The following COL25A1 variants were observed in gnomAD, a reference collection of about 807,000 sequenced individuals.
COL25A1 encodes the protein collagen alpha-1(XXV) chain.
In COL25A1, 103 loss-of-function variants were observed where a neutral mutation model predicts 128.4. That is an observed-to-expected ratio of 0.80 (90% CI 0.68 to 0.94). The LOEUF is 0.94. Ranked by LOEUF, COL25A1 falls within the 40% of genes least tolerant of loss-of-function variation. The pLI is 0.00. For synonymous variants in COL25A1, 279 were observed against 277.2 expected (o/e 1.01, Z -0.06); for missense variants, 745 against 840.0 (o/e 0.89, Z 1.40).
intron 5 of COL25A1, among the ~76,000 whole-genome samples, chr4:109,016,321 A>G (rs1165377679): frequency 6.6e-6 from 1 of 152,240 alleles, no homozygotes; most frequent in African/African-American, 2.4e-5. Flanking sequence ...TGAGCAAAGA[A>G]TGGAGGCCAG....
At chr4:108,993,865 A>AAAG (rs1754476664) in intron 6 of COL25A1, among the ~76,000 whole-genome samples, 1 of 151,726 alleles carries the variant, frequency 6.6e-6, no homozygotes, top group Non-Finnish European at 1.5e-5. Flanking sequence ...CATCTCAAAA[A>AAAG]AAAAAAAACA....
chr4:108,875,502 C>G (rs1739338299), intron 19 of COL25A1, among the ~76,000 whole-genome samples: 1 of 152,134 alleles, frequency 6.6e-6, no homozygotes, highest in African/African-American at 2.4e-5. Context: ...AAAATCAAAA[C>G]CACAATGAGA....
chr4:109,079,755 G>A (rs998208215), intron 3 of COL25A1, among the ~76,000 whole-genome samples: 1 of 150,584 alleles, frequency 6.6e-6, no homozygotes, highest in African/African-American at 2.4e-5. Flanking sequence ...TGTGTCACAG[G>A]CTTCCAGTCT....
At chr4:109,116,171 C>A (rs79581799) in intron 3 of COL25A1, among the ~76,000 whole-genome samples, 3,246 of 152,154 alleles carry the variant, frequency 0.021, 90 homozygotes, top group South Asian at 0.12. Context: ...GGGGCCCCCA[C>A]ACTTTTGTGA....
intron 3 of COL25A1, among the ~76,000 whole-genome samples, chr4:109,259,981 C>T (rs1046814990): frequency 1.5e-4 from 23 of 152,124 alleles, no homozygotes; most frequent in Non-Finnish European, 2.8e-4. Context: ...GACAAACAGG[C>T]GATGCAGGCG....
At chr4:109,102,247 T>C (rs1317642717) in intron 3 of COL25A1, among the ~76,000 whole-genome samples, 2 of 152,140 alleles carry the variant, frequency 1.3e-5, no homozygotes, top group Non-Finnish European at 2.9e-5. Context: ...GATAAATATA[T>C]ATTTAATTAC....
chr4:109,286,836 C>G (rs1332712828), intron 3 of COL25A1, among the ~76,000 whole-genome samples: 1 of 152,132 alleles, frequency 6.6e-6, no homozygotes, highest in Non-Finnish European at 1.5e-5. Flanking sequence ...GGAGTCTAAC[C>G]AAGACCCAGA....
At chr4:109,055,020 A>C (rs1761335352) in intron 3 of COL25A1, among the ~76,000 whole-genome samples, 1 of 152,082 alleles carries the variant, frequency 6.6e-6, no homozygotes, top group African/African-American at 2.4e-5. Flanking sequence ...CAGAGACTAA[A>C]CCAGGTTTAC....
chr4:109,058,510 T>C (rs917528424), intron 3 of COL25A1, among the ~76,000 whole-genome samples: 6 of 152,196 alleles, frequency 3.9e-5, no homozygotes, highest in African/African-American at 1.4e-4. Context: ...AGACACCTCT[T>C]TTAAAGATAA....
intron 6 of COL25A1, among the ~76,000 whole-genome samples, chr4:109,004,400 G>A (rs912555546): frequency 8.3e-5 from 7 of 84,392 alleles, no homozygotes; most frequent in African/African-American, 1.2e-4. Context: ...ATTGAGGTTT[G>A]TGTTTTTTTT....
chr4:109,276,588 T>G (rs1362135170), intron 3 of COL25A1, among the ~76,000 whole-genome samples: 3 of 152,060 alleles, frequency 2.0e-5, no homozygotes, highest in African/African-American at 7.2e-5. Context: ...TAGCAGGATC[T>G]CCAACAGGGT....
chr4:108,915,477 T>C (rs1216348916), intron 13 of COL25A1, among the ~76,000 whole-genome samples: 2 of 152,224 alleles, frequency 1.3e-5, no homozygotes, highest in African/African-American at 2.4e-5. Context: ...CTGGGATTAT[T>C]GGCATGGGCC....
chr4:109,285,474 A>G (rs1723789146), intron 3 of COL25A1, among the ~76,000 whole-genome samples: 1 of 152,212 alleles, frequency 6.6e-6, no homozygotes, highest in Non-Finnish European at 1.5e-5. Flanking sequence ...ATAACTTTCA[A>G]ACACACTCTC....
At chr4:109,056,651 T>C (rs560684978) in intron 3 of COL25A1, among the ~76,000 whole-genome samples, 1 of 140,620 alleles carries the variant, frequency 7.1e-6, no homozygotes, top group South Asian at 2.2e-4. Context: ...AAAAAAAAAC[T>C]GTCTTCAAGT....
At chr4:109,179,509 G>A (rs1358686738) in intron 3 of COL25A1, among the ~76,000 whole-genome samples, 2 of 152,192 alleles carry the variant, frequency 1.3e-5, no homozygotes, top group Admixed American at 1.3e-4. Flanking sequence ...AACCTTGTAT[G>A]TTAGGATAGA....
chr4:109,216,738 T>C (rs988230861), intron 3 of COL25A1, among the ~76,000 whole-genome samples: 1 of 152,088 alleles, frequency 6.6e-6, no homozygotes, highest in Non-Finnish European at 1.5e-5. Flanking sequence ...TCTCAAGAAT[T>C]GAGAGAGAAT....
chr4:108,858,557 G>A (rs541762494), intron 24 of COL25A1, among the ~76,000 whole-genome samples: 198 of 152,258 alleles, frequency 1.3e-3, no homozygotes, highest in Non-Finnish European at 2.5e-3. Context: ...GACTCATTTC[G>A]TAGGTGGGAA....
chr4:109,110,432 T>C (rs1296367311), intron 3 of COL25A1, among the ~76,000 whole-genome samples: 1 of 152,170 alleles, frequency 6.6e-6, no homozygotes, highest in Non-Finnish European at 1.5e-5. Flanking sequence ...TCAAAGCTCA[T>C]GTCCTTTACC....
chr4:109,160,026 A>C (rs1368947203), intron 3 of COL25A1, among the ~76,000 whole-genome samples: 6 of 152,234 alleles, frequency 3.9e-5, no homozygotes, highest in African/African-American at 1.4e-4. Context: ...TCACAGTGTA[A>C]AATAACAAAA....
Sources: gnomAD v4.1 joint callset for allele counts (sites outside exome capture counted in the v4.1 genomes callset) on GRCh38, gnomAD v4.1.1 for gene constraint, MANE v1.5 for transcripts, NCBI Gene and HGNC (gene_info 2026-07-23, HGNC 2026-07-21) for gene names.